The following C13orf42 variants were observed in gnomAD, a reference collection of about 807,000 sequenced individuals.
The protein encoded by C13orf42 is chromosome 13 open reading frame 42, also known as uncharacterized protein C13orf42.
intron 1 of C13orf42, among the ~76,000 whole-genome samples, chr13:51,157,189 T>C (rs951415401): frequency 3.9e-5 from 6 of 152,108 alleles, no homozygotes; most frequent in African/African-American, 1.4e-4. Flanking sequence ...ATCCCAGCAC[T>C]TTGGGAGGCC....
chr13:51,111,272 TGCGGGGAGAGAA>T (rs1222833272), exon 1 of C13orf42: 2 of 398,064 alleles, frequency 5.0e-6, no homozygotes, highest in Non-Finnish European at 8.8e-6. Flanking sequence ...TTGATCTAGA[TGCGGGGAGAGAA>T]GCCGACATCC....
intron 1 of C13orf42, among the ~76,000 whole-genome samples, chr13:51,158,886 C>T (rs1953842652): frequency 6.6e-6 from 1 of 152,178 alleles, no homozygotes; most frequent in Admixed American, 6.5e-5. Context: ...TGAATCTGCT[C>T]GTTAAAGAGA....
intron 1 of C13orf42, among the ~76,000 whole-genome samples, chr13:51,101,088 G>C (rs1953285136): frequency 6.6e-6 from 1 of 152,096 alleles, no homozygotes; most frequent in Non-Finnish European, 1.5e-5. Context: ...AATAAAGCAT[G>C]GCAGTTGAAG....
At chr13:51,112,361 G>T (rs1566129460), upstream of C13orf42, among the ~76,000 whole-genome samples, 1 of 151,856 alleles carries the variant, frequency 6.6e-6, no homozygotes, top group Non-Finnish European at 1.5e-5. Flanking sequence ...GTGTGTGTGG[G>T]GTGTGTGTGT....
chr13:51,132,791 G>C (rs1047978201), intron 1 of C13orf42, among the ~76,000 whole-genome samples: 1 of 152,136 alleles, frequency 6.6e-6, no homozygotes, highest in Non-Finnish European at 1.5e-5. Context: ...GTTCCCAGGA[G>C]GTTAAGGCAT....
chr13:51,109,693 G>A (rs1953405295), intron 1 of C13orf42, among the ~76,000 whole-genome samples: 2 of 152,166 alleles, frequency 1.3e-5, no homozygotes, highest in African/African-American at 4.8e-5. Context: ...GGTTGAGGTT[G>A]CAGTGAGCTA....
chr13:51,116,469 GCTCT>G (rs1953493380), intron 1 of C13orf42, among the ~76,000 whole-genome samples: 1 of 152,202 alleles, frequency 6.6e-6, no homozygotes, highest in Non-Finnish European at 1.5e-5. Flanking sequence ...TAGAAAAAGT[GCTCT>G]CTCCAGGTGA....
At chr13:51,087,419 T>G (rs1167692576) in intron 2 of C13orf42, among the ~76,000 whole-genome samples, 4 of 152,186 alleles carry the variant, frequency 2.6e-5, no homozygotes, top group Admixed American at 6.5e-5. Flanking sequence ...TGTGGTGAAG[T>G]GTACAGAACA....
At chr13:51,085,659 T>C (rs1037230445) in intron 2 of C13orf42, 100 bp from the exon 3 acceptor site, 4 of 397,250 alleles carry the variant, frequency 1.0e-5, no homozygotes, top group African/African-American at 8.2e-5. Context: ...TCACAGGAAA[T>C]GGGTGTAGGC....
At chr13:51,157,213 C>A (rs571784255) in intron 1 of C13orf42, among the ~76,000 whole-genome samples, 1 of 152,112 alleles carries the variant, frequency 6.6e-6, no homozygotes, top group Non-Finnish European at 1.5e-5. Context: ...GCGGACGGAT[C>A]GTTTGAGGTC....
At chr13:51,137,551 T>C (rs1305895713) in intron 1 of C13orf42, among the ~76,000 whole-genome samples, 1 of 152,110 alleles carries the variant, frequency 6.6e-6, no homozygotes, top group Non-Finnish European at 1.5e-5. Flanking sequence ...TGCCTCTCCG[T>C]CCTTTTGTCT....
At chr13:51,094,437 A>G (rs762262044) in intron 1 of C13orf42, among the ~76,000 whole-genome samples, 4 of 152,214 alleles carry the variant, frequency 2.6e-5, no homozygotes, top group Admixed American at 6.5e-5. Context: ...TATTATTGCT[A>G]CAATACATTT....
intron 1 of C13orf42, among the ~76,000 whole-genome samples, chr13:51,110,161 A>C (rs1274758114): frequency 1.3e-5 from 2 of 152,218 alleles, no homozygotes; most frequent in Non-Finnish European, 2.9e-5. Flanking sequence ...CGTGGGGCTA[A>C]GCACCTCAAT....
At chr13:51,165,030 A>G (rs1384210828) in intron 1 of C13orf42, among the ~76,000 whole-genome samples, 2 of 152,176 alleles carry the variant, frequency 1.3e-5, no homozygotes, top group East Asian at 3.9e-4. Flanking sequence ...TAAGATCATT[A>G]CGGGTGTGCT....
chr13:51,111,922 T>C (rs565010440), upstream of C13orf42, among the ~76,000 whole-genome samples: 155 of 152,306 alleles, frequency 1.0e-3, no homozygotes, highest in African/African-American at 3.6e-3. Flanking sequence ...TAGCAGCCCA[T>C]TGTGGAGGCA....
At chr13:51,121,905 A>C (rs1187538825) in intron 1 of C13orf42, among the ~76,000 whole-genome samples, 1 of 152,314 alleles carries the variant, frequency 6.6e-6, no homozygotes, top group East Asian at 1.9e-4. Flanking sequence ...GCAGTTACTA[A>C]AAATGATGTC....
At chr13:51,145,566 A>G (rs1953727889) in intron 1 of C13orf42, among the ~76,000 whole-genome samples, 1 of 152,164 alleles carries the variant, frequency 6.6e-6, no homozygotes, top group Non-Finnish European at 1.5e-5. Context: ...GTTAAAGGAG[A>G]ATATCTTGGG....
intron 1 of C13orf42, among the ~76,000 whole-genome samples, chr13:51,158,007 C>A (rs1953837413): frequency 6.6e-6 from 1 of 152,154 alleles, no homozygotes; most frequent in Non-Finnish European, 1.5e-5. Flanking sequence ...AAAAAACAAA[C>A]AAACAACAAC....
chr13:51,170,146 C>T (rs9535595), intron 1 of C13orf42, among the ~76,000 whole-genome samples: 3,586 of 152,228 alleles, frequency 0.024, 66 homozygotes, highest in East Asian at 0.075. Flanking sequence ...GAACAAACCC[C>T]CTTTGACTGT....
Sources: gnomAD v4.1 joint callset for allele counts (sites outside exome capture counted in the v4.1 genomes callset) on GRCh38, gnomAD v4.1.1 for gene constraint, MANE v1.5 for transcripts, NCBI Gene and HGNC (gene_info 2026-07-23, HGNC 2026-07-21) for gene names.